The following GPR158 variants were observed in gnomAD, a reference collection of about 807,000 sequenced individuals.
GPR158 encodes the protein metabotropic glycine receptor.
Under a neutral mutation model 78.2 loss-of-function variants are expected in GPR158, and 30 were observed. That is an observed-to-expected ratio of 0.38 (90% CI 0.29 to 0.52). The LOEUF (loss-of-function observed/expected upper bound fraction) is 0.52. Among genes scored for constraint, GPR158 ranks in the 20% least tolerant of loss-of-function variants. The pLI is 0.83. For missense variants in GPR158, 1,463 were observed against 1,523.5 expected (o/e 0.96, Z 0.66); for synonymous variants, 581 against 591.1 (o/e 0.98, Z 0.25).
chr10:25,325,210 T>C (rs1554794035), intron 2 of GPR158, among the ~76,000 whole-genome samples: 1 of 152,050 alleles, frequency 6.6e-6, no homozygotes, highest in Non-Finnish European at 1.5e-5. Context: ...ATGGAAGAGA[T>C]GAGGAGAAAG....
chr10:25,261,807 T>A (rs937295285), intron 2 of GPR158, among the ~76,000 whole-genome samples: 1 of 152,120 alleles, frequency 6.6e-6, no homozygotes, highest in Admixed American at 6.6e-5. Context: ...AGGGAGAAGA[T>A]AAATGACAAG....
At chr10:25,579,203 A>G (rs765569755) in intron 7 of GPR158, among the ~76,000 whole-genome samples, 62 of 151,714 alleles carry the variant, frequency 4.1e-4, no homozygotes, top group Non-Finnish European at 8.1e-4. Context: ...TTGGCAGTCA[A>G]TTGTCCATGT....
rs73608277 is a variant in GPR158 at position 25,335,289 on chromosome 10, G to C, written c.1009-60622G>C. ...ATGCCAAAGATGCAACTGCATTCTT[G>C]CTATTAATATTTCATTACTCACTAA... On this transcript the variant is annotated intron_variant, in intron 2 of 10. Coordinates refer to ENST00000376351, the MANE Select transcript of GPR158 (RefSeq NM_020752.3). 7.7e-3 allele frequency among the ~76,000 whole-genome samples: 1,164 copies of C among 152,150 alleles called. 13 individuals carry two copies. The highest frequency in any genetic ancestry group is 0.027 in the African/African-American group (1,116 of 41,532).
At chr10:25,202,132 T>C (rs1437900808) in intron 1 of GPR158, among the ~76,000 whole-genome samples, 2 of 152,058 alleles carry the variant, frequency 1.3e-5, no homozygotes, top group African/African-American at 4.8e-5. Flanking sequence ...TTGGTAGGCT[T>C]TTTATACTTT....
At chr10:25,333,503 G>A (rs76704693) in intron 2 of GPR158, among the ~76,000 whole-genome samples, 5,651 of 152,198 alleles carry the variant, frequency 0.037, 347 homozygotes, top group African/African-American at 0.13. Context: ...TAATTCTGTA[G>A]CATTTGGCTA....
rs758840339 is a variant in GPR158, at chr10:25,176,119, C to T, written c.699C>T (p.His233=). 7.0e-6 allele frequency: 11 copies of T among 1,575,130 alleles called. No homozygotes were observed. In the East Asian group the frequency reaches 2.3e-4, roughly 33 times the overall value. ...GCCTCCGGCGCAAGTGGAGGCCCCA[C>T]TTACACCGCCGCGGCCCCAATCAGG... ...FHGLRRKWRP[H]LHRRGPNQGP... is the part of the protein sequence containing the mutation. Residue 233 remains histidine (H), a synonymous_variant, in exon 1 of 11, where the codon CAC becomes CAT. Transcript: ENST00000376351. The surrounding 1 kb of genome is among the most constrained non-coding windows in gnomAD (Gnocchi z 6.3).
intron 2 of GPR158, among the ~76,000 whole-genome samples, chr10:25,294,247 T>C (rs1172389599): frequency 3.3e-5 from 5 of 152,166 alleles, no homozygotes; most frequent in Admixed American, 1.3e-4. Context: ...TCTTTTTTTT[T>C]CTTTCAAATA....
intron 6 of GPR158, among the ~76,000 whole-genome samples, chr10:25,562,145 T>C (rs1015158506): frequency 6.6e-6 from 1 of 151,988 alleles, no homozygotes; most frequent in African/African-American, 2.4e-5. Flanking sequence ...TTACATAAAG[T>C]CAGTAGAAAT....
chr10:25,332,379 G>A (rs1010065801), intron 2 of GPR158, among the ~76,000 whole-genome samples: 1 of 152,138 alleles, frequency 6.6e-6, no homozygotes, highest in Non-Finnish European at 1.5e-5. Flanking sequence ...TTTTTGGTTT[G>A]TAGCCTATGA....
chr10:25,225,326 T>C (rs1384807654), intron 2 of GPR158, among the ~76,000 whole-genome samples: 1 of 152,030 alleles, frequency 6.6e-6, no homozygotes, highest in Non-Finnish European at 1.5e-5. Context: ...ATAAATACTT[T>C]ATACTTTAAA....
intron 2 of GPR158, among the ~76,000 whole-genome samples, chr10:25,385,949 T>C (rs901341731): frequency 3.3e-5 from 5 of 152,176 alleles, no homozygotes; most frequent in Admixed American, 6.5e-5. Context: ...TTGATGCAAA[T>C]AAGTTTTTAA....
chr10:25,266,783 A>G (rs1272793837), intron 2 of GPR158, among the ~76,000 whole-genome samples: 1 of 152,100 alleles, frequency 6.6e-6, no homozygotes, highest in East Asian at 1.9e-4. Flanking sequence ...ATAACCTCAT[A>G]AATATTTTTT....
chr10:25,245,085 C>CT (rs767188404), intron 2 of GPR158, among the ~76,000 whole-genome samples: 8 of 152,200 alleles, frequency 5.3e-5, no homozygotes, highest in Non-Finnish European at 1.0e-4. Flanking sequence ...CCGAGTTGGA[C>CT]TTTCTCTCAA....
intron 1 of GPR158, among the ~76,000 whole-genome samples, chr10:25,194,346 C>G (rs929872979): frequency 3.3e-5 from 5 of 152,114 alleles, no homozygotes; most frequent in Non-Finnish European, 5.9e-5. Context: ...CAAGACCAGC[C>G]TGGCCAACAT....
chr10:25,332,764 T>C (rs1274823717), intron 2 of GPR158, among the ~76,000 whole-genome samples: 1 of 152,194 alleles, frequency 6.6e-6, no homozygotes, highest in South Asian at 2.1e-4. Flanking sequence ...TCCTAGTATT[T>C]AGGATCTCTC....
chr10:25,299,079 T>G (rs1446429795), intron 2 of GPR158, among the ~76,000 whole-genome samples: 2 of 152,232 alleles, frequency 1.3e-5, no homozygotes. Context: ...AGGAGCTATA[T>G]TCTGCACTTA....
chr10:25,412,461 T>C lies in GPR158; in HGVS notation c.1323T>C (p.Phe441=), dbSNP rs768458301. Reference sequence around the variant, plus strand: ...TTAGCATGCTGGTGGTCTACCACTTTCGCAAAGCAAAGGTAAACCCAGGAA... The same window carrying C: ...TTAGCATGCTGGTGGTCTACCACTTCCGCAAAGCAAAGGTAAACCCAGGAA... ...DFVSMLVVYH[F]RKAKSIRASG... Residue 441 remains phenylalanine, a synonymous_variant, in exon 4 of 11, where the codon TTT becomes TTC. Transcript: ENST00000376351. The C allele has an allele frequency of 8.7e-6, 14 of 1,612,930 alleles. No homozygotes were observed. The South Asian group carries it at 1.1e-4, about 13-fold the overall frequency.
chr10:25,476,413 C>CTTAG (rs1835587097), intron 5 of GPR158, among the ~76,000 whole-genome samples: 1 of 149,584 alleles, frequency 6.7e-6, no homozygotes, highest in Non-Finnish European at 1.5e-5. Context: ...CCCCTCTAAC[C>CTTAG]TTAGTTACTT....
At chr10:25,301,936 A>G (rs1203307424) in intron 2 of GPR158, among the ~76,000 whole-genome samples, 1 of 151,932 alleles carries the variant, frequency 6.6e-6, no homozygotes, top group Non-Finnish European at 1.5e-5. Flanking sequence ...TTCTATCACT[A>G]TGGATTTGGC....
Sources: allele counts gnomAD v4.1 joint callset (sites outside exome capture counted in the v4.1 genomes callset), GRCh38; gene constraint gnomAD v4.1.1; non-coding constraint Gnocchi (gnomAD v3.1); transcripts MANE v1.5; gene names NCBI Gene and HGNC (gene_info 2026-07-23, HGNC 2026-07-21).